The following TRIM6 variants were observed in gnomAD, a reference collection of about 807,000 sequenced individuals.
The protein encoded by TRIM6 is tripartite motif-containing protein 6.
A neutral mutation model predicts 51.2 loss-of-function variants in TRIM6; 43 were observed. That is an observed-to-expected ratio of 0.84 (90% confidence interval 0.66 to 1.08). The LOEUF (loss-of-function observed/expected upper bound fraction) is 1.08. TRIM6 is among the 50% of genes least tolerant of loss of function. TRIM6 has a pLI of 0.00. For synonymous variants in TRIM6, 215 were observed against 232.4 expected, an observed-to-expected ratio of 0.93 and a Z score of 0.68; for missense variants, 669 against 619.0, an observed-to-expected ratio of 1.08 and a Z score of -0.86.
Position 5,606,318 on chromosome 11 carries a change from T to C in TRIM6, c.834+751T>C, listed in dbSNP as rs1848205446. Among the ~76,000 whole-genome samples, 3 of 151,562 alleles carry C rather than the reference T, an allele frequency of 2.0e-5. 1 individual carries two copies. In the South Asian group the frequency reaches 6.2e-4, roughly 32 times the overall value. On this transcript the variant is annotated intron_variant, in intron 4 of 7. Coordinates refer to ENST00000380097, the MANE Select transcript of TRIM6 (RefSeq NM_001003818.3). ...GTCGCAGATTACAAGGTATCAAGCC[T>C]AGAGAGATTTGATGGAGGGACTTGA...
intron 3 of TRIM6, 174 bp from the exon 4 acceptor site, chr11:5,605,163 G>A (rs1848129275): frequency 1.2e-6 from 1 of 843,500 alleles, no homozygotes; most frequent in Non-Finnish European, 1.9e-6. Flanking sequence ...AGAGCTGAAG[G>A]GAGAAAAGAA....
In TRIM6 at chr11:5,596,689, C is replaced by G. The variant is rs116176358; in HGVS notation, c.-209C>G. 4.8e-3 allele frequency: 3,373 copies of G among 707,496 alleles called. 94 individuals are homozygous for G. In the African/African-American group the frequency reaches 0.054, roughly 11 times the overall value. 43.8% of individuals were successfully genotyped at this position (707,496 alleles called of 1,614,324 possible). A position where few individuals can be genotyped will look rare whatever the true frequency, so the allele number is the denominator to read the frequency against. On this transcript the variant is annotated 5_prime_UTR_variant, in exon 1 of 8. Transcript: ENST00000380097. ...CAAACTCCTGACCTGTGGGTCCGTC[C>G]GTTCAACGGCCAAAGGCTGGCGGAG...
Position 5,603,320 on chromosome 11 carries a change from C to T in TRIM6, c.92C>T (p.Ser31Leu), listed in dbSNP as rs368704230. 4.8e-5 allele frequency: 77 copies of T among 1,613,972 alleles called. No homozygotes were observed. Among genetic ancestry groups the T allele is most frequent in the Non-Finnish European group, 6.4e-5 (76 of 1,180,024 alleles). ...AGARRVATMTSPVLVDIREEV... is the reference protein window; with the variant it reads ...AGARRVATMTLPVLVDIREEV... The stretch of plus-strand genomic sequence containing the variant: ...GCCAGGAGAGTAGCTACAATGACTT[C>T]ACCAGTACTGGTGGACATACGAGAA... Residue 31 changes from serine to leucine, a missense_variant, in exon 2 of 8, where the codon TCA becomes TTA. Transcript: ENST00000380097.
In TRIM6 at chr11:5,610,951, T is replaced by C. The variant is rs1848541900; in HGVS notation, c.1160T>C (p.Val387Ala). 2 of 1,613,894 alleles carry C rather than the reference T, an allele frequency of 1.2e-6. No individual in the cohort carries two copies. The highest frequency in any genetic ancestry group is 2.2e-5 in the South Asian group (2 of 91,068). Residue 387 changes from valine (V) to alanine (A), a missense_variant, in exon 8 of 8, where the codon GTA becomes GCA. Val to Ala is a moderately conservative substitution (Grantham distance 64, BLOSUM62 0). Coordinates refer to ENST00000380097, the MANE Select transcript of TRIM6 (RefSeq NM_001003818.3). Reference sequence around the variant, plus strand: ...TCCTCTGGTAAGCATTACTGGGAGGTAGATGTGGCCAAGAAGACTGCCTGG... The same window carrying C: ...TCCTCTGGTAAGCATTACTGGGAGGCAGATGTGGCCAAGAAGACTGCCTGG... ...HFSSGKHYWEVDVAKKTAWIL... is the reference protein window; with the variant it reads ...HFSSGKHYWEADVAKKTAWIL...
At position 5,612,588 on chromosome 11, in the gene TRIM6, CTCTT is replaced by C. The variant is rs1469614022; in HGVS notation, c.*1248_*1251del. ...TGATTTCTTCCAGCTTTTCCACACT[CTCTT>C]TATGCGCAGGAACAAACAGCTGTTG... On this transcript the variant is annotated 3_prime_UTR_variant, in exon 8 of 8. Coordinates refer to ENST00000380097, the MANE Select transcript of TRIM6 (RefSeq NM_001003818.3). 3.3e-5 allele frequency: 5 copies of C among 152,200 alleles called. No homozygotes were observed. The highest frequency in any genetic ancestry group is 1.2e-4 in the African/African-American group (5 of 41,458). 9.4% of individuals were successfully genotyped at this position (152,200 alleles called of 1,614,324 possible).
chr11:5,610,283 T>G (rs1370756619), intron 6 of TRIM6, 38 bp downstream of exon 6: 2 of 1,613,230 alleles, frequency 1.2e-6, no homozygotes, highest in Non-Finnish European at 8.5e-7. Context: ...GATGTGAAAT[T>G]ACTGTCGTGG....
At chr11:5,605,946 C>G (rs1290863881) in intron 4 of TRIM6, among the ~76,000 whole-genome samples, 1 of 152,202 alleles carries the variant, frequency 6.6e-6, no homozygotes, top group African/African-American at 2.4e-5. Flanking sequence ...AGCAGCGTCT[C>G]TGGCCTCTGC....
chr11:5,611,295 C>A lies in TRIM6; in HGVS notation c.1504C>A (p.Pro502Thr), dbSNP rs143334533. Residue 502 changes from proline to threonine, a missense_variant, in exon 8 of 8, where the codon CCT (proline) becomes ACT (threonine). Coordinates refer to ENST00000380097, the MANE Select transcript of TRIM6 (RefSeq NM_001003818.3). ...CACTACTCTTTGTCCATATTTTAAT[C>A]CTTGCAACTGTGTAATTCCTATGAC... ...FPTTLCPYFNPCNCVIPMTLR... is the reference protein window; with the variant it reads ...FPTTLCPYFNTCNCVIPMTLR... 191 of 1,614,128 alleles carry A rather than the reference C, an allele frequency of 1.2e-4. 3 individuals carry two copies. The East Asian group carries it at 1.5e-3, about 13-fold the overall frequency.
intron 4 of TRIM6, 49 bp downstream of exon 4, chr11:5,605,616 C>T: frequency 1.3e-6 from 2 of 1,551,328 alleles, no homozygotes. Context: ...AAAAGAGAAA[C>T]TAACTTTCCT....
chr11:5,596,983 GAT>G lies in TRIM6; in HGVS notation c.17+71_17+72del. 3.1e-6 allele frequency: 5 copies of G among 1,610,906 alleles called. No homozygotes were observed. The Admixed American group carries it at 8.4e-5, about 27-fold the overall frequency. ...GCAGAGGTGACAGGGCAGTGAAAGA[GAT>G]AAGGTCCTTTCCCTTTCGGAACTCA... is the stretch of plus-strand genomic sequence containing the variant. On this transcript the variant is annotated intron_variant, in intron 1 of 7. Transcript: ENST00000380097.
At chr11:5,605,209 A>G in intron 3 of TRIM6, 128 bp from the exon 4 acceptor site, 1 of 1,262,888 alleles carries the variant, frequency 7.9e-7, no homozygotes, top group Non-Finnish European at 1.1e-6. Context: ...CTCCTGCAGC[A>G]TTTACCCTCC....
At chr11:5,596,355 T>C (rs1190947115), upstream of TRIM6, among the ~76,000 whole-genome samples, 1 of 152,066 alleles carries the variant, frequency 6.6e-6, no homozygotes, top group African/African-American at 2.4e-5. Context: ...AGAGGCACCT[T>C]TGCAGCTGGG....
Position 5,605,324 on chromosome 11 carries a change from C to T in TRIM6, c.604-13C>T. The T allele has an allele frequency of 6.2e-7, 1 of 1,613,862 alleles. No homozygotes were observed. The highest frequency in any genetic ancestry group is 8.5e-7 in the Non-Finnish European group (1 of 1,179,960). ...ACCGACTAGCAGCCTCTTTTTCTTC[C>T]CTGTTCCTGAAGAATCAGATGGAGC... On this transcript the variant is annotated splice_polypyrimidine_tract_variant and intron_variant, in intron 3 of 7. Transcript: ENST00000380097.
intron 1 of TRIM6, among the ~76,000 whole-genome samples, chr11:5,597,311 C>A (rs1847532109): frequency 1.3e-5 from 2 of 152,098 alleles, no homozygotes; most frequent in African/African-American, 4.8e-5. Context: ...CTGCCTGACA[C>A]AAATTATGGT....
Position 5,603,370 on chromosome 11 carries a change from GA to G in TRIM6, c.143del (p.Glu48GlyfsTer3). Reference sequence around the variant, plus strand: ...AGAGGTGACCTGCCCTATCTGCCTGGAGCTCCTAACAGAACCCCTGAGCATA... The same window carrying G: ...AGAGGTGACCTGCCCTATCTGCCTGGGCTCCTAACAGAACCCCTGAGCATA... ...REEVTCPICL[E>X]LLTEPLSIDC... On this transcript the variant is annotated frameshift_variant, in exon 2 of 8. Transcript: ENST00000380097. LOFTEE classifies it high-confidence loss of function. The G allele has an allele frequency of 6.2e-7, 1 of 1,614,050 alleles. No homozygotes were observed. The highest frequency in any genetic ancestry group is 1.1e-5 in the South Asian group (1 of 91,066).
rs756389825 is a variant in TRIM6, at chr11:5,610,875, T to C, written c.1084T>C (p.Ser362Pro). ...RFVGAKVSGP[S>P]CLEKHYDCSV... is the part of the protein sequence containing the mutation. ...TGTGGGAGCTAAAGTATCTGGACCT[T>C]CCTGTCTGGAAAAGCATTATGACTG... Residue 362 changes from serine (S) to proline (P), a missense_variant, in exon 8 of 8, where the codon TCC (serine) becomes CCC (proline). By Grantham distance (74) the Ser-to-Pro change is moderately conservative (BLOSUM62 -1). Coordinates refer to ENST00000380097, the MANE Select transcript of TRIM6 (RefSeq NM_001003818.3). 5.3e-5 allele frequency: 86 copies of C among 1,614,034 alleles called. No homozygotes were observed. Among genetic ancestry groups the C allele is most frequent in the Non-Finnish European group, 6.7e-5 (79 of 1,180,040 alleles).
At position 5,603,341 on chromosome 11, in the gene TRIM6, G is replaced by C. The variant is rs372036526; in HGVS notation, c.113G>C (p.Arg38Pro). 4.3e-6 allele frequency: 7 copies of C among 1,613,940 alleles called. No homozygotes were observed. In the South Asian group the frequency reaches 7.7e-5, roughly 18 times the overall value. ...TMTSPVLVDI[R>P]EEVTCPICLE... ...ACTTCACCAGTACTGGTGGACATACGAGAAGAGGTGACCTGCCCTATCTGC... is the reference window on the plus strand; with the variant it reads ...ACTTCACCAGTACTGGTGGACATACCAGAAGAGGTGACCTGCCCTATCTGC... Residue 38 changes from arginine to proline, a missense_variant, in exon 2 of 8, where the codon CGA becomes CCA. Transcript: ENST00000380097.
At chr11:5,598,169 A>T in intron 1 of TRIM6, among the ~76,000 whole-genome samples, 1 of 152,226 alleles carries the variant, frequency 6.6e-6, no homozygotes, top group South Asian at 2.1e-4. Flanking sequence ...GCCCGTCCAC[A>T]CTGCTCTGGA....
chr11:5,600,338 T>G (rs752326528), intron 1 of TRIM6, among the ~76,000 whole-genome samples: 23 of 152,188 alleles, frequency 1.5e-4, no homozygotes, highest in Non-Finnish European at 2.8e-4. Context: ...ATAATTAAAT[T>G]CTTGCTGAAT....
Sources: allele counts gnomAD v4.1 joint callset (sites outside exome capture counted in the v4.1 genomes callset), GRCh38; gene constraint gnomAD v4.1.1; transcripts MANE v1.5; gene names NCBI Gene and HGNC (gene_info 2026-07-23, HGNC 2026-07-21).